ATG7: variants seen among roughly 807,000 people sequenced by gnomAD.
ATG7 encodes autophagy related 7, also known as ubiquitin-like modifier-activating enzyme ATG7.
ATG7 carries 70 observed loss-of-function variants against 82.4 expected under a neutral mutation model. That is an observed-to-expected ratio of 0.85 (90% CI 0.70 to 1.04). The LOEUF (loss-of-function observed/expected upper bound fraction) is 1.04, where lower values mean the gene tolerates loss of function less well. Ranked by LOEUF, ATG7 falls within the 50% of genes least tolerant of loss-of-function variation. ATG7 has a pLI of 0.00. For missense variants in ATG7, 792 were observed against 864.3 expected, an observed-to-expected ratio of 0.92 and a Z score of 1.05; for synonymous variants, 287 against 313.0, an observed-to-expected ratio of 0.92 and a Z score of 0.88.
chr3:11,410,436 A>T (rs928340186), intron 19 of ATG7, among the ~76,000 whole-genome samples: 1 of 152,188 alleles, frequency 6.6e-6, no homozygotes, highest in African/African-American at 2.4e-5. Flanking sequence ...TTTTTATGTG[A>T]TAGAATACAT....
At chr3:11,459,261 A>G (rs113838038) in intron 20 of ATG7, among the ~76,000 whole-genome samples, 2,596 of 152,166 alleles carry the variant, frequency 0.017, 80 homozygotes, top group African/African-American at 0.059. Context: ...GCAGAATGCT[A>G]CATGAGATTT....
chr3:11,512,242 T>A (rs2153077360), intron 20 of ATG7, among the ~76,000 whole-genome samples: 1 of 152,174 alleles, frequency 6.6e-6, no homozygotes, highest in South Asian at 2.1e-4. Flanking sequence ...CCCTCTCCCC[T>A]CCTTCGGCCA....
intron 20 of ATG7, among the ~76,000 whole-genome samples, chr3:11,443,893 C>T (rs371161802): frequency 6.6e-6 from 1 of 152,080 alleles, no homozygotes; most frequent in African/African-American, 2.4e-5. Flanking sequence ...GAATTAAACA[C>T]CCAGGTCAAA....
At chr3:11,453,958 G>A (rs529579905) in intron 20 of ATG7, among the ~76,000 whole-genome samples, 2 of 152,268 alleles carry the variant, frequency 1.3e-5, no homozygotes, top group African/African-American at 4.8e-5. Context: ...GAATTATCTA[G>A]GAAAAAGCAG....
At chr3:11,416,601 A>G (rs9826044) in intron 19 of ATG7, among the ~76,000 whole-genome samples, 77,598 of 151,918 alleles carry the variant, frequency 0.51, 20,726 homozygotes, top group East Asian at 0.68. Flanking sequence ...CTCTCTTTTT[A>G]TCTTAGTCTA....
chr3:11,377,083 A>T (rs901996687), intron 18 of ATG7, among the ~76,000 whole-genome samples: 5 of 152,228 alleles, frequency 3.3e-5, no homozygotes, highest in African/African-American at 1.2e-4. Flanking sequence ...GTAAAAAATG[A>T]CAGGCCTCAG....
At chr3:11,274,671 T>C (rs1941318456) in intron 1 of ATG7, among the ~76,000 whole-genome samples, 2 of 152,140 alleles carry the variant, frequency 1.3e-5, no homozygotes, top group Admixed American at 1.3e-4. Flanking sequence ...GATAGCTGCG[T>C]ACCAATATTC....
chr3:11,559,539 G>C (rs988317011), downstream of ATG7: 7 of 1,434,556 alleles, frequency 4.9e-6, no homozygotes, highest in Non-Finnish European at 6.4e-6. Flanking sequence ...CACCCTTCAG[G>C]CTCTGTCCTG....
At chr3:11,497,604 A>G (rs996539255) in intron 20 of ATG7, among the ~76,000 whole-genome samples, 8 of 148,160 alleles carry the variant, frequency 5.4e-5, no homozygotes, top group African/African-American at 2.0e-4. Flanking sequence ...ACCCTATCTC[A>G]CTTGGATGTT....
chr3:11,546,037 C>G (rs1207171144), intron 20 of ATG7, among the ~76,000 whole-genome samples: 1 of 151,824 alleles, frequency 6.6e-6, no homozygotes, highest in Non-Finnish European at 1.5e-5. Flanking sequence ...ACTAAGGAGG[C>G]TGAGGTAGGA....
intron 20 of ATG7, among the ~76,000 whole-genome samples, chr3:11,461,708 C>G (rs909613109): frequency 3.3e-5 from 5 of 152,154 alleles, no homozygotes; most frequent in African/African-American, 1.2e-4. Flanking sequence ...TGGCAATCGT[C>G]TTATCCAATG....
intron 20 of ATG7, among the ~76,000 whole-genome samples, chr3:11,451,184 C>T (rs1047225183): frequency 6.7e-6 from 1 of 148,706 alleles, no homozygotes; most frequent in Non-Finnish European, 1.5e-5. Flanking sequence ...GGAACAAGAA[C>T]TTGATAAAAT....
intron 20 of ATG7, among the ~76,000 whole-genome samples, chr3:11,510,935 C>T (rs986625233): frequency 3.3e-5 from 5 of 152,114 alleles, no homozygotes; most frequent in African/African-American, 7.2e-5. Flanking sequence ...CGCGGACCCT[C>T]GCGGTGAGTG....
intron 20 of ATG7, among the ~76,000 whole-genome samples, chr3:11,476,250 G>T (rs914917911): frequency 6.6e-6 from 1 of 152,104 alleles, no homozygotes; most frequent in Admixed American, 6.5e-5. Flanking sequence ...GTTGCTGTTA[G>T]TTTTCTCCCA....
At chr3:11,374,898 A>C in intron 18 of ATG7, among the ~76,000 whole-genome samples, 1 of 33,096 alleles carries the variant, frequency 3.0e-5, no homozygotes, top group African/African-American at 7.5e-5. Context: ...AGCTCAAAAA[A>C]AAAAAAAAAA....
chr3:11,284,855 T>G (rs1943690519), intron 3 of ATG7, among the ~76,000 whole-genome samples: 1 of 150,884 alleles, frequency 6.6e-6, no homozygotes, highest in East Asian at 1.9e-4. Flanking sequence ...TGGCCTTTTT[T>G]TTTTTTTTTG....
chr3:11,346,662 C>G (rs73812438), intron 13 of ATG7: 1 of 152,326 alleles, frequency 6.6e-6, no homozygotes, highest in African/African-American at 2.4e-5. Context: ...TCCCAGAGTG[C>G]CTTCCTTGCT....
intron 9 of ATG7, among the ~76,000 whole-genome samples, chr3:11,321,005 CA>C (rs1158640739): frequency 6.6e-6 from 1 of 152,182 alleles, no homozygotes; most frequent in Admixed American, 6.5e-5. Flanking sequence ...AGACAGAATA[CA>C]GGGGAGGTAT....
intron 18 of ATG7, among the ~76,000 whole-genome samples, chr3:11,368,624 T>C (rs1348279733): frequency 1.3e-5 from 2 of 151,872 alleles, no homozygotes; most frequent in Non-Finnish European, 2.9e-5. Flanking sequence ...AGACCCCGTC[T>C]CTACAAAAAA....
Sources: gnomAD v4.1 joint callset for allele counts (sites outside exome capture counted in the v4.1 genomes callset) on GRCh38, gnomAD v4.1.1 for gene constraint, MANE v1.5 for transcripts, NCBI Gene and HGNC (gene_info 2026-07-23, HGNC 2026-07-21) for gene names.